The following KIF6 variants were observed in gnomAD, a reference collection of about 807,000 sequenced individuals.
The protein encoded by KIF6 is kinesin-like protein KIF6.
A neutral mutation model predicts 112.7 loss-of-function variants in KIF6; 106 were observed. That is an observed-to-expected ratio of 0.94 (90% CI 0.80 to 1.11). KIF6 has a LOEUF of 1.11. KIF6 is among the 50% of genes least tolerant of loss of function. KIF6 has a pLI of 0.00. For missense variants in KIF6, 929 were observed against 964.0 expected (o/e 0.96, Z 0.48); for synonymous variants, 339 against 339.9 (o/e 1.00, Z 0.03).
intron 13 of KIF6, among the ~76,000 whole-genome samples, chr6:39,488,477 C>T (rs2150471025): frequency 6.6e-6 from 1 of 152,330 alleles, no homozygotes. Flanking sequence ...GGCAGAGATG[C>T]CCTTTTCTCC....
chr6:39,367,064 C>T (rs187652554), intron 16 of KIF6, among the ~76,000 whole-genome samples: 5 of 152,252 alleles, frequency 3.3e-5, no homozygotes, highest in South Asian at 2.1e-4. Context: ...ACACAAACTA[C>T]CCACGTTGTC....
chr6:39,692,313 A>G (rs1342088523), intron 3 of KIF6, among the ~76,000 whole-genome samples: 1 of 152,206 alleles, frequency 6.6e-6, no homozygotes, highest in Admixed American at 6.5e-5. Flanking sequence ...TTATCTTCCA[A>G]TATTTTGGTA....
chr6:39,490,497 C>T (rs1348513639), intron 13 of KIF6, among the ~76,000 whole-genome samples: 1 of 152,128 alleles, frequency 6.6e-6, no homozygotes, highest in Non-Finnish European at 1.5e-5. Context: ...GTGAATGCAG[C>T]AAATGACTTG....
chr6:39,670,426 T>C (rs547429290), intron 3 of KIF6, among the ~76,000 whole-genome samples: 16 of 152,314 alleles, frequency 1.1e-4, no homozygotes, highest in Admixed American at 9.2e-4. Context: ...TTTTGTACCA[T>C]ATTCTTACAA....
At chr6:39,595,929 G>T in intron 7 of KIF6, 125 bp downstream of exon 7, 1 of 696,602 alleles carries the variant, frequency 1.4e-6, no homozygotes, top group Non-Finnish European at 2.4e-6. Context: ...TGATTAAAAT[G>T]GCAAATTTTA....
intron 3 of KIF6, among the ~76,000 whole-genome samples, chr6:39,709,281 C>G (rs1384491118): frequency 6.6e-6 from 1 of 152,178 alleles, no homozygotes; most frequent in Non-Finnish European, 1.5e-5. Context: ...ATTTTTCCAC[C>G]AAATAATTGT....
At position 39,343,949 on chromosome 6, in the gene KIF6, C is replaced by G. The variant is rs1410735288; in HGVS notation, c.2322-134G>C. 6 of 568,932 alleles carry G rather than the reference C, an allele frequency of 1.1e-5. No homozygotes were observed. The highest frequency in any genetic ancestry group is 2.2e-5 in the South Asian group (1 of 44,552). 35.2% of individuals were successfully genotyped at this position (568,932 alleles called of 1,614,324 possible). ...CATGACACGGCTGGCCTGCTTCTCACTCCCTCCTACCTTCTCTGTGTGGCA... is the reference window on the plus strand; with the variant it reads ...CATGACACGGCTGGCCTGCTTCTCAGTCCCTCCTACCTTCTCTGTGTGGCA... On this transcript the variant is annotated intron_variant, in intron 21 of 22. Coordinates refer to ENST00000287152, the MANE Select transcript of KIF6 (RefSeq NM_145027.6). This position sits in a 1 kb window ranked among gnomAD's most constrained non-coding sequence, Gnocchi z 4.1.
At chr6:39,585,164 A>G (rs965986132) in intron 8 of KIF6, among the ~76,000 whole-genome samples, 180 bp from the exon 9 acceptor site, 1 of 152,202 alleles carries the variant, frequency 6.6e-6, no homozygotes, top group African/African-American at 2.4e-5. Flanking sequence ...ACAGTCCCCA[A>G]CCTTTTTGGC....
chr6:39,483,074 TAA>T (rs1235117593), intron 13 of KIF6, among the ~76,000 whole-genome samples: 2 of 152,216 alleles, frequency 1.3e-5, no homozygotes, highest in Non-Finnish European at 2.9e-5. Flanking sequence ...TTCATTTCAG[TAA>T]AGAGTTTTTA....
chr6:39,501,134 A>T (rs1776109786), intron 13 of KIF6, among the ~76,000 whole-genome samples: 1 of 152,108 alleles, frequency 6.6e-6, no homozygotes, highest in Non-Finnish European at 1.5e-5. Context: ...AGCCAAGGGA[A>T]TTCCCACCCC....
chr6:39,349,633 T>TTTTTTTTTTTTTTTTG (rs1764077058), intron 19 of KIF6, among the ~76,000 whole-genome samples: 1 of 47,974 alleles, frequency 2.1e-5, no homozygotes, highest in African/African-American at 1.3e-4. Context: ...TTGTGGCTCT[T>TTTTTTTTTTTTTTTTG]TTTTTTTTTT....
intron 13 of KIF6, among the ~76,000 whole-genome samples, chr6:39,458,432 A>C (rs1230012187): frequency 8.4e-5 from 12 of 142,662 alleles, no homozygotes; most frequent in African/African-American, 2.9e-4. Context: ...ATGGGCAAAA[A>C]CTGGAAGCAT....
At chr6:39,582,759 G>C (rs1300066247) in intron 9 of KIF6, among the ~76,000 whole-genome samples, 1 of 152,160 alleles carries the variant, frequency 6.6e-6, no homozygotes, top group Admixed American at 6.5e-5. Context: ...ATCCTTATCG[G>C]CTGGCTCCAT....
chr6:39,563,552 T>C (rs1219348770), intron 10 of KIF6, among the ~76,000 whole-genome samples: 1 of 152,234 alleles, frequency 6.6e-6, no homozygotes, highest in Non-Finnish European at 1.5e-5. Context: ...GGATAACTGT[T>C]GCGTTATGTT....
At chr6:39,685,099 T>A (rs1460856690) in intron 3 of KIF6, among the ~76,000 whole-genome samples, 1 of 152,134 alleles carries the variant, frequency 6.6e-6, no homozygotes, top group African/African-American at 2.4e-5. Flanking sequence ...AAATGGGAAA[T>A]AGCTAGAAGG....
chr6:39,662,867 A>G (rs1214957067), intron 3 of KIF6, among the ~76,000 whole-genome samples: 1 of 151,648 alleles, frequency 6.6e-6, no homozygotes, highest in Non-Finnish European at 1.5e-5. Flanking sequence ...TGTTTATTCA[A>G]CTTCAGCTTA....
Position 39,544,396 on chromosome 6 carries a change from G to T in KIF6, c.1426+159C>A, listed in dbSNP as rs1381098796. The stretch of plus-strand genomic sequence containing the variant: ...TTATAGAAACTCTTTTTCACTGGTT[G>T]CAATACTTTGCTGAAGGGACCTTTG... On this transcript the variant is annotated intron_variant, in intron 12 of 22. Transcript: ENST00000287152. The T allele has an allele frequency of 9.8e-5, 54 of 552,578 alleles. No homozygotes were observed. In the Admixed American group the frequency reaches 2.2e-3, roughly 22 times the overall value. The allele number at this position is 552,578 out of a possible 1,614,324, so 34.2% of individuals were successfully genotyped here. A position where few individuals can be genotyped will look rare whatever the true frequency, so the allele number is the denominator to read the frequency against.
Position 39,335,803 on chromosome 6 carries a change from C to T in KIF6, c.*729G>A, listed in dbSNP as rs561957643. ...GTGGCTGGGTGAAGGTTGTGAGGCC[C>T]AAGGTACCCACACTGCCCTCTCTCA... On this transcript the variant is annotated 3_prime_UTR_variant, in exon 23 of 23. Transcript: ENST00000287152. The T allele has an allele frequency of 5.6e-4, 85 of 152,524 alleles. No homozygotes were observed. Among genetic ancestry groups the T allele is most frequent in the Non-Finnish European group, 9.1e-4 (62 of 68,210 alleles). 9.4% of individuals were successfully genotyped at this position (152,524 alleles called of 1,614,324 possible).
intron 12 of KIF6, among the ~76,000 whole-genome samples, chr6:39,541,872 G>A (rs921549447): frequency 6.6e-6 from 1 of 152,176 alleles, no homozygotes; most frequent in African/African-American, 2.4e-5. Context: ...AAACAGGCCC[G>A]GAAGTGGCTC....
Sources: gnomAD v4.1 joint callset for allele counts (sites outside exome capture counted in the v4.1 genomes callset) on GRCh38, gnomAD v4.1.1 for gene constraint, Gnocchi (gnomAD v3.1) non-coding constraint, MANE v1.5 for transcripts, NCBI Gene and HGNC (gene_info 2026-07-23, HGNC 2026-07-21) for gene names.